Variants in PTPRF observed in about 807,000 individuals in gnomAD.
PTPRF encodes receptor-type tyrosine-protein phosphatase F.
PTPRF carries 59 observed loss-of-function variants against 201.8 expected under a neutral mutation model. That is an observed-to-expected ratio of 0.29 (90% CI 0.24 to 0.36). The LOEUF (loss-of-function observed/expected upper bound fraction) is 0.36. PTPRF is among the 10% of genes least tolerant of loss of function. The pLI is 1.00. For missense variants in PTPRF, 2,132 were observed against 2,690.5 expected (o/e 0.79, Z 4.59); for synonymous variants, 1,088 against 1,089.7 (o/e 1.00, Z 0.03).
chr1:43,604,099 A>G lies in PTPRF; in HGVS notation c.2947A>G (p.Thr983Ala), dbSNP rs771919313. ...CCTTACTGGCCTCAAGCCAGACACC[A>G]CTTACGACATCAAGGTCCGCGCATG... ...FTLTGLKPDT[T>A]YDIKVRAWTS... Residue 983 changes from threonine (T) to alanine (A), a missense_variant, in exon 16 of 34, where the codon ACT becomes GCT. Transcript: ENST00000359947. The G allele has an allele frequency of 2.5e-6, 4 of 1,614,036 alleles. No individual in the cohort carries two copies. The highest frequency in any genetic ancestry group is 1.7e-5 in the Admixed American group (1 of 60,000).
chr1:43,587,451 C>T (rs528075185), intron 7 of PTPRF, among the ~76,000 whole-genome samples: 9 of 152,332 alleles, frequency 5.9e-5, no homozygotes, highest in African/African-American at 1.7e-4. Context: ...AATGTCTGAT[C>T]TCTGGGTCTA....
Position 43,621,237 on chromosome 1 carries a change from C to T in PTPRF, c.5655+5C>T, listed in dbSNP as rs757352863. ...CCTGCCATGGTGCAGACAGAGGTAACGCAGACCAGGCTGCAGGGCCAGGGC... is the reference window on the plus strand; with the variant it reads ...CCTGCCATGGTGCAGACAGAGGTAATGCAGACCAGGCTGCAGGGCCAGGGC... On this transcript the variant is annotated splice_donor_5th_base_variant and intron_variant, in intron 33 of 33. Transcript: ENST00000359947. The T allele has an allele frequency of 1.1e-5, 18 of 1,613,484 alleles. No individual in the cohort carries two copies. In the Middle Eastern group the frequency reaches 4.9e-4, roughly 44 times the overall value.
In PTPRF at chr1:43,589,787, A is replaced by C. The variant is rs543329673; in HGVS notation, c.949+787A>C. 6.6e-5 allele frequency among the ~76,000 whole-genome samples: 10 copies of C among 150,666 alleles called. No homozygotes were observed. The South Asian group carries it at 2.1e-3, about 32-fold the overall frequency. ...TGAGACAGGAGGATCACTTGAGCCC[A>C]GGAGGGTGAGGCTACAGTGACGCAG... is the stretch of plus-strand genomic sequence containing the variant. On this transcript the variant is annotated intron_variant, in intron 8 of 33. Transcript: ENST00000359947.
Position 43,591,360 on chromosome 1 carries a change from A to T in PTPRF, c.1338A>T (p.Gly446=). 1 of 1,554,052 alleles carries T rather than the reference A, an allele frequency of 6.4e-7. No individual in the cohort carries two copies. Among genetic ancestry groups the T allele is most frequent in the Non-Finnish European group, 8.7e-7 (1 of 1,150,104 alleles). The stretch of plus-strand genomic sequence containing the variant: ...AGGAGCCCAACGGCCTGGTGCGGGG[A>T]TACCGCGTCTACTATACTCCGGACT... ...PPEEPNGLVR[G]YRVYYTPDSR... The change falls in exon 9 of 34, where the codon GGA becomes GGT. Residue 446 remains glycine, a synonymous_variant. Transcript: ENST00000359947.
chr1:43,545,414 G>C lies in PTPRF; in HGVS notation c.91+248G>C, dbSNP rs546168990. On this transcript the variant is annotated intron_variant, in intron 3 of 33. Transcript: ENST00000359947. ...CGTGACCCTGTCTTATGGGGCTGGG[G>C]TGAGACCTGTCCTGGATTCATGTGG... Among the ~76,000 whole-genome samples, 14 of 152,282 alleles carry C rather than the reference G, an allele frequency of 9.2e-5. No homozygotes were observed. The East Asian group carries it at 2.7e-3, about 29-fold the overall frequency.
At chr1:43,571,916 G>A (rs1446629405) in intron 6 of PTPRF, among the ~76,000 whole-genome samples, 1 of 152,228 alleles carries the variant, frequency 6.6e-6, no homozygotes, top group African/African-American at 2.4e-5. Context: ...GTTTGAAAAG[G>A]AGTTACAGTA....
At chr1:43,585,749 A>G (rs1326589151) in intron 7 of PTPRF, among the ~76,000 whole-genome samples, 2 of 152,156 alleles carry the variant, frequency 1.3e-5, no homozygotes, top group Non-Finnish European at 2.9e-5. Context: ...CTCCAGGGAC[A>G]ATTTGGGGGT....
intron 33 of PTPRF, 119 bp downstream of exon 33, chr1:43,621,351 A>G: frequency 7.4e-7 from 1 of 1,357,090 alleles, no homozygotes; most frequent in African/African-American, 1.4e-5. Flanking sequence ...CCAACCTTTC[A>G]CGTGGCCTGC....
chr1:43,620,278 C>G, intron 30 of PTPRF, 57 bp downstream of exon 30: 9 of 1,600,542 alleles, frequency 5.6e-6, no homozygotes, highest in Non-Finnish European at 7.7e-6. Flanking sequence ...ACCAGCCACC[C>G]TTGGGGGAGC....
chr1:43,532,182 C>T (rs1438851711), intron 1 of PTPRF, among the ~76,000 whole-genome samples: 3 of 152,102 alleles, frequency 2.0e-5, no homozygotes, highest in Non-Finnish European at 4.4e-5. Context: ...CTGTGCTAGG[C>T]GCCCCCCCAT....
At chr1:43,538,731 T>C (rs1644180519) in intron 2 of PTPRF, among the ~76,000 whole-genome samples, 1 of 152,154 alleles carries the variant, frequency 6.6e-6, no homozygotes, top group African/African-American at 2.4e-5. Flanking sequence ...AAAAGACTGT[T>C]CCCATCGACT....
rs367640892 is a variant in PTPRF at position 43,592,620 on chromosome 1, C to T, written c.1813+19C>T. On this transcript the variant is annotated intron_variant, in intron 11 of 33. Coordinates refer to ENST00000359947, the MANE Select transcript of PTPRF (RefSeq NM_002840.5). ...CAGTCCAGTAAGTGTCTCCCAAGTC[C>T]GCTGCCTGTTACACCTGGGCTGGGA... The T allele has an allele frequency of 2.7e-5, 43 of 1,563,820 alleles. No individual in the cohort carries two copies. In the African/African-American group the frequency reaches 4.3e-4, roughly 16 times the overall value.
chr1:43,573,021 T>C (rs1215060966), intron 6 of PTPRF, among the ~76,000 whole-genome samples: 4 of 152,054 alleles, frequency 2.6e-5, no homozygotes, highest in Non-Finnish European at 5.9e-5. Context: ...ACAGCACATC[T>C]AACCAGGGCA....
rs1473642429 is a variant in PTPRF, at chr1:43,546,042, G to A, written c.91+876G>A. The stretch of plus-strand genomic sequence containing the variant: ...GCCAAGGTCCCTGGGGGAAGGGGCC[G>A]TTCCCAGCCTGTCCAGAGCCCAGGG... On this transcript the variant is annotated intron_variant, in intron 3 of 33. Coordinates refer to ENST00000359947, the MANE Select transcript of PTPRF (RefSeq NM_002840.5). This position sits in a 1 kb window ranked among gnomAD's most constrained non-coding sequence, Gnocchi z 4.2. Among the ~76,000 whole-genome samples the A allele has an allele frequency of 6.6e-6, 1 of 152,266 alleles. No individual in the cohort carries two copies. The highest frequency in any genetic ancestry group is 1.9e-4 in the East Asian group (1 of 5,180).
At position 43,620,484 on chromosome 1, in the gene PTPRF, C is replaced by G. The variant is rs757017636; in HGVS notation, c.5269C>G (p.Arg1757Gly). ...EKCHQYWPAE[R>G]SARYQYFVVD... ...ATGCCACCAGTACTGGCCAGCAGAG[C>G]GCTCTGCTCGCTACCAGTACTTTGT... The change falls in exon 31 of 34, where the codon CGC (arginine) becomes GGC (glycine). Residue 1757 changes from arginine (R) to glycine (G), a missense_variant. Arg to Gly is a moderately radical substitution (Grantham distance 125). Transcript: ENST00000359947. The G allele has an allele frequency of 6.2e-7, 1 of 1,613,084 alleles. No individual in the cohort carries two copies.
rs368237069 is a variant in PTPRF, at chr1:43,603,987, C to A, written c.2835C>A (p.Asn945Lys). The stretch of plus-strand genomic sequence containing the variant: ...ACCCGCCAGTGCTGGCGGAGAGGAA[C>A]GGGCGCATCATCAGCTACACCGTGG... ...AWDPPVLAER[N>K]GRIISYTVVF... The change falls in exon 16 of 34, where the codon AAC becomes AAA. Residue 945 changes from asparagine to lysine, a missense_variant. This residue lies in a region of PTPRF where 818 missense variants were observed against 915.3 expected (regional missense o/e 0.89). Transcript: ENST00000359947. The surrounding 1 kb of genome is among the most constrained non-coding windows in gnomAD (Gnocchi z 5.8). 6.2e-7 allele frequency: 1 copy of A among 1,614,210 alleles called. No homozygotes were observed. The highest frequency in any genetic ancestry group is 1.3e-5 in the African/African-American group (1 of 75,074).
chr1:43,549,797 G>A (rs1644903508), intron 3 of PTPRF, among the ~76,000 whole-genome samples: 1 of 151,860 alleles, frequency 6.6e-6, no homozygotes, highest in Non-Finnish European at 1.5e-5. Flanking sequence ...GGAGGCGGAG[G>A]TTACAGTGAG....
At chr1:43,555,306 A>G (rs1374286323) in intron 5 of PTPRF, among the ~76,000 whole-genome samples, 1 of 132,138 alleles carries the variant, frequency 7.6e-6, no homozygotes, top group Non-Finnish European at 1.5e-5. Context: ...TTTTCTGTGC[A>G]TACATATATA....
Position 43,598,760 on chromosome 1 carries a change from G to A in PTPRF, c.2160G>A (p.Leu720=). 1 of 1,614,082 alleles carries A rather than the reference G, an allele frequency of 6.2e-7. No homozygotes were observed. The highest frequency in any genetic ancestry group is 8.5e-7 in the Non-Finnish European group (1 of 1,179,936). ...CGCGGAAGGTGGAGGTGGAGCCACT[G>A]AACTCCACTGCTGTGCATGTCTACT... ...GPPRKVEVEP[L]NSTAVHVYWK... Residue 720 remains leucine, a synonymous_variant, in exon 13 of 34, where the codon CTG becomes CTA. Coordinates refer to ENST00000359947, the MANE Select transcript of PTPRF (RefSeq NM_002840.5).
Sources: allele counts gnomAD v4.1 joint callset (sites outside exome capture counted in the v4.1 genomes callset), GRCh38; gene constraint gnomAD v4.1.1; regional missense constraint gnomAD v4.1.1; non-coding constraint Gnocchi (gnomAD v3.1); transcripts MANE v1.5; gene names NCBI Gene and HGNC (gene_info 2026-07-23, HGNC 2026-07-21).